TRIM42: variants seen among roughly 807,000 people sequenced by gnomAD.
TRIM42 encodes the protein tripartite motif containing 42.
Under a neutral mutation model 64.9 loss-of-function variants are expected in TRIM42, and 59 were observed. The ratio of observed to expected loss-of-function variants is 0.91; its 90% confidence interval spans 0.74 to 1.13. The LOEUF (loss-of-function observed/expected upper bound fraction) is 1.13. TRIM42 is among the 50% of genes most tolerant of loss of function. The pLI is 0.00. For missense variants in TRIM42, 878 were observed against 929.5 expected (o/e 0.94, Z 0.72); for synonymous variants, 354 against 346.3 (o/e 1.02, Z -0.25).
rs756059549 is a variant in TRIM42 at position 140,683,104 on chromosome 3, C to T, written c.984C>T (p.Asp328=). 5.6e-6 allele frequency: 9 copies of T among 1,614,218 alleles called. No individual in the cohort carries two copies. Among genetic ancestry groups the T allele is most frequent in the Admixed American group, 1.7e-5 (1 of 60,032 alleles). Residue 328 remains aspartate, a synonymous_variant, in exon 2 of 5, where the codon GAC becomes GAT. Coordinates refer to ENST00000286349, the MANE Select transcript of TRIM42 (RefSeq NM_152616.5). ...HNGHDTISLI[D]ACSERAASLF... ...GCCACGACACCATTAGCCTCATCGA[C>T]GCCTGCTCCGAGAGGGCCGCCTCAC...
chr3:140,693,692 T>A (rs911847823), intron 4 of TRIM42, among the ~76,000 whole-genome samples: 2 of 152,238 alleles, frequency 1.3e-5, no homozygotes, highest in Non-Finnish European at 1.5e-5. Context: ...GGCAGCAGGA[T>A]CATTTCTTAT....
chr3:140,690,843 G>GTAGC (rs1416014264), intron 3 of TRIM42, 125 bp from the exon 4 acceptor site: 4 of 703,886 alleles, frequency 5.7e-6, no homozygotes, highest in African/African-American at 1.8e-5. Context: ...AAAGTCTTCG[G>GTAGC]TAGCTACAGG....
intron 2 of TRIM42, among the ~76,000 whole-genome samples, chr3:140,683,864 G>C (rs535615980): frequency 1.3e-5 from 2 of 152,142 alleles, no homozygotes; most frequent in Non-Finnish European, 2.9e-5. Context: ...ATTGCTTTAA[G>C]TGAAATAATA....
chr3:140,679,198 G>A (rs1293765326), intron 1 of TRIM42, among the ~76,000 whole-genome samples: 1 of 152,050 alleles, frequency 6.6e-6, no homozygotes, highest in African/African-American at 2.4e-5. Flanking sequence ...CTTCTATGGG[G>A]CACTTTTGAC....
intron 2 of TRIM42, among the ~76,000 whole-genome samples, chr3:140,687,008 G>C (rs1430733058): frequency 1.3e-5 from 2 of 152,090 alleles, no homozygotes; most frequent in Admixed American, 6.5e-5. Flanking sequence ...CATGTAACAG[G>C]GCTCCAGTAA....
chr3:140,693,439 T>C (rs1250842765), intron 4 of TRIM42, among the ~76,000 whole-genome samples: 1 of 152,236 alleles, frequency 6.6e-6, no homozygotes, highest in East Asian at 1.9e-4. Flanking sequence ...GAAGTAATTC[T>C]TCCTCCCTTC....
chr3:140,683,366 C>T (rs1387911477), intron 2 of TRIM42, among the ~76,000 whole-genome samples: 1 of 152,130 alleles, frequency 6.6e-6, no homozygotes, highest in African/African-American at 2.4e-5. Context: ...TTCCCCGTGC[C>T]TTGCTTTTCT....
At chr3:140,689,688 G>T (rs2107762562) in intron 3 of TRIM42, among the ~76,000 whole-genome samples, 1 of 151,846 alleles carries the variant, frequency 6.6e-6, no homozygotes, top group Middle Eastern at 3.4e-3. Flanking sequence ...CCCATACTTT[G>T]CAAGTTAGAA....
chr3:140,684,629 G>C (rs1286685796), intron 2 of TRIM42, among the ~76,000 whole-genome samples: 1 of 152,108 alleles, frequency 6.6e-6, no homozygotes, highest in African/African-American at 2.4e-5. Context: ...TTTTCTCAAT[G>C]GCCACATACC....
Position 140,683,143 on chromosome 3 carries a change from C to T in TRIM42, c.1023C>T (p.Ile341=), listed in dbSNP as rs964681427. 16 of 1,614,136 alleles carry T rather than the reference C, an allele frequency of 9.9e-6. No homozygotes were observed. Among genetic ancestry groups the T allele is most frequent in the Middle Eastern group, 1.6e-4 (1 of 6,062 alleles). The change falls in exon 2 of 5, where the codon ATC becomes ATT. Residue 341 remains isoleucine, a synonymous_variant. Transcript: ENST00000286349. ...GGGCCGCCTCACTCTTCAGCGCCAT[C>T]GCCAAGTTCAAAGCAGGTCCTCCCC... The part of the protein sequence containing the change: ...SERAASLFSA[I]AKFKAVRYEI...
intron 4 of TRIM42, among the ~76,000 whole-genome samples, chr3:140,694,223 C>T (rs1286590600): frequency 2.0e-5 from 3 of 152,180 alleles, no homozygotes; most frequent in Non-Finnish European, 2.9e-5. Flanking sequence ...GTCAAGATTA[C>T]GCATTGAAAA....
intron 2 of TRIM42, among the ~76,000 whole-genome samples, chr3:140,684,665 T>C (rs1988503936): frequency 6.6e-6 from 1 of 152,176 alleles, no homozygotes; most frequent in Admixed American, 6.5e-5. Flanking sequence ...TCAATTGACA[T>C]TTATTTAATT....
chr3:140,682,779 A>G lies in TRIM42; in HGVS notation c.659A>G (p.Gln220Arg), dbSNP rs748534331. Residue 220 changes from glutamine to arginine, a missense_variant, in exon 2 of 5, where the codon CAG (glutamine) becomes CGG (arginine). Coordinates refer to ENST00000286349, the MANE Select transcript of TRIM42 (RefSeq NM_152616.5). ...LHGRLTKRYM[Q>R]EHGYLKWRFD... ...GGGCGTCTCACCAAGCGCTACATGC[A>G]GGAGCACGGCTACCTCAAGTGGCGC... 22 of 1,613,572 alleles carry G rather than the reference A, an allele frequency of 1.4e-5. No individual in the cohort carries two copies. Among genetic ancestry groups the G allele is most frequent in the Admixed American group, 5.0e-5 (3 of 60,024 alleles).
intron 4 of TRIM42, among the ~76,000 whole-genome samples, chr3:140,698,794 A>G (rs966447106): frequency 2.4e-4 from 36 of 152,088 alleles, no homozygotes; most frequent in African/African-American, 8.0e-4. Context: ...TTGTTTTCCC[A>G]GGCATATGAT....
Position 140,687,940 on chromosome 3 carries a change from G to A in TRIM42, c.1258G>A (p.Val420Met), listed in dbSNP as rs773216099. 4.3e-6 allele frequency: 7 copies of A among 1,614,166 alleles called. No homozygotes were observed. In the South Asian group the frequency reaches 7.7e-5, roughly 18 times the overall value. ...ATATGTGTATGTTACAACCATGAAA[G>A]TGAACGAGATGGATGGTCTGATCGC... ...EKYVYVTTMK[V>M]NEMDGLIAYS... Residue 420 changes from valine to methionine, a missense_variant, in exon 3 of 5, where the codon GTG (valine) becomes ATG (methionine). Coordinates refer to ENST00000286349, the MANE Select transcript of TRIM42 (RefSeq NM_152616.5).
At chr3:140,684,505 C>A (rs1193920557) in intron 2 of TRIM42, among the ~76,000 whole-genome samples, 1 of 152,206 alleles carries the variant, frequency 6.6e-6, no homozygotes, top group African/African-American at 2.4e-5. Flanking sequence ...AGGGAGGCAG[C>A]TTTTCCTTGA....
Position 140,680,412 on chromosome 3 carries a change from C to G in TRIM42, c.341+1842C>G, listed in dbSNP as rs190063354. Among the ~76,000 whole-genome samples the G allele has an allele frequency of 5.9e-5, 9 of 152,234 alleles. No individual in the cohort carries two copies. The East Asian group carries it at 1.7e-3, about 29-fold the overall frequency. ...ACTTCCTTTTTCACCCCTAACACAG[C>G]TCCCTAGGCCATTAATACCTGTCTC... On this transcript the variant is annotated intron_variant, in intron 1 of 4. Transcript: ENST00000286349.
intron 4 of TRIM42, among the ~76,000 whole-genome samples, chr3:140,696,095 T>C (rs1319542963): frequency 6.6e-6 from 1 of 152,196 alleles, no homozygotes; most frequent in African/African-American, 2.4e-5. Context: ...CTGAATTAAT[T>C]ATACACCTCA....
intron 2 of TRIM42, among the ~76,000 whole-genome samples, 191 bp downstream of exon 2, chr3:140,683,350 C>T (rs1405837880): frequency 1.3e-5 from 2 of 152,210 alleles, no homozygotes; most frequent in African/African-American, 4.8e-5. Flanking sequence ...CCACCAGCCA[C>T]TTAACTTCCC....
Sources: allele counts gnomAD v4.1 joint callset (sites outside exome capture counted in the v4.1 genomes callset), GRCh38; gene constraint gnomAD v4.1.1; transcripts MANE v1.5; gene names NCBI Gene and HGNC (gene_info 2026-07-23, HGNC 2026-07-21).